DGKK: variants seen among roughly 807,000 people sequenced by gnomAD.
DGKK encodes 142 kDa diacylglycerol kinase.
Under a neutral mutation model 92.2 loss-of-function variants are expected in DGKK, and 35 were observed. The ratio of observed to expected loss-of-function variants is 0.38; its 90% confidence interval spans 0.29 to 0.50. The LOEUF (loss-of-function observed/expected upper bound fraction) is 0.50. Ranked by LOEUF, DGKK falls within the 20% of genes least tolerant of loss-of-function variation. DGKK has a pLI of 0.92. For synonymous variants in DGKK, 368 were observed against 360.6 expected (o/e 1.02, Z -0.23); for missense variants, 910 against 992.2 (o/e 0.92, Z 1.11).
chrX:50,395,196 C>A (rs1557225971), intron 8 of DGKK, among the ~76,000 whole-genome samples: 1 of 111,628 alleles, frequency 9.0e-6, no homozygotes, highest in East Asian at 2.8e-4. Flanking sequence ...AAGGTGTTAA[C>A]TTTTTATGTG....
intron 7 of DGKK, 45 bp from the exon 8 acceptor site, chrX:50,401,184 G>C: frequency 3.9e-6 from 4 of 1,038,676 alleles, no homozygotes; most frequent in Non-Finnish European, 5.3e-6. Context: ...GAGGGGGAGA[G>C]AAAAGGATAT....
rs1254642072 is a variant in DGKK, at chrX:50,368,181, G to T, written c.*759C>A. Reference sequence around the variant, plus strand: ...GAATGCAGGCAAACACTCCGTGGAGGCATGCAGGCTAGGATCAAGGCAGCA... The same window carrying T: ...GAATGCAGGCAAACACTCCGTGGAGTCATGCAGGCTAGGATCAAGGCAGCA... On this transcript the variant is annotated 3_prime_UTR_variant, in exon 28 of 28. Coordinates refer to ENST00000611977, the MANE Select transcript of DGKK (RefSeq NM_001013742.4). 1 of 110,767 alleles carries T rather than the reference G, an allele frequency of 9.0e-6. No individual in the cohort carries two copies. Among genetic ancestry groups the T allele is most frequent in the African/African-American group, 3.3e-5 (1 of 30,339 alleles). 9.1% of individuals were successfully genotyped at this position (110,767 alleles called of 1,213,427 possible).
At chrX:50,447,234 T>G (rs1557231975) in intron 1 of DGKK, among the ~76,000 whole-genome samples, 1 of 87,503 alleles carries the variant, frequency 1.1e-5, no homozygotes. Flanking sequence ...CTGTCTTGAT[T>G]TATATAAATG....
In DGKK at chrX:50,403,149, G is replaced by T. The variant is rs1557226824; in HGVS notation, c.1220C>A (p.Pro407His). Residue 407 changes from proline (P) to histidine (H), a missense_variant, in exon 7 of 28, where the codon CCT (proline) becomes CAT (histidine). Physicochemically the swap from Pro to His is moderately conservative, Grantham distance 77. Coordinates refer to ENST00000611977, the MANE Select transcript of DGKK (RefSeq NM_001013742.4). ...MPHQWVEGNM[P>H]VSSQCAVCHE... ...ACACACTGCACACTGAGAGCTGACA[G>T]GCATGTTTCCTTCTACCCATTGATG... is the stretch of plus-strand genomic sequence containing the variant. The T allele has an allele frequency of 8.3e-7, 1 of 1,203,241 alleles. No individual in the cohort carries two copies. Among genetic ancestry groups the T allele is most frequent in the Admixed American group, 2.2e-5 (1 of 45,239 alleles).
At chrX:50,386,626 AC>A in intron 14 of DGKK, 40 bp from the exon 15 acceptor site, 1 of 1,113,647 alleles carries the variant, frequency 9.0e-7, no homozygotes. Flanking sequence ...GTTATGAGGG[AC>A]CCATGCTTGA....
In DGKK at chrX:50,376,842, A is replaced by C; in HGVS notation, c.3188T>G (p.Phe1063Cys). ...AGAGAGGCTCTCTTGAGAGTCCTGG[A>C]AGTCCAGCTGGGGTTGAGGGGCAGC... ...IQAAPQPQLD[F>C]QDSQESLSDE... The change falls in exon 23 of 28, where the codon TTC (phenylalanine) becomes TGC (cysteine). Residue 1063 changes from phenylalanine (F) to cysteine (C), a missense_variant. Physicochemically the swap from Phe to Cys is radical, Grantham distance 205. Coordinates refer to ENST00000611977, the MANE Select transcript of DGKK (RefSeq NM_001013742.4). 8.3e-7 allele frequency: 1 copy of C among 1,209,193 alleles called. No homozygotes were observed. Among genetic ancestry groups the C allele is most frequent in the Non-Finnish European group, 1.1e-6 (1 of 894,104 alleles).
chrX:50,421,304 T>C (rs1311382641), intron 3 of DGKK, among the ~76,000 whole-genome samples: 1 of 111,728 alleles, frequency 9.0e-6, no homozygotes, highest in Middle Eastern at 4.6e-3. Flanking sequence ...ATTGCTTCCA[T>C]TGCCCTACTT....
At chrX:50,379,579 T>C (rs1557224210) in intron 20 of DGKK, 48 bp downstream of exon 20, 27 of 1,033,314 alleles carry the variant, frequency 2.6e-5, no homozygotes, top group Non-Finnish European at 3.5e-5. Context: ...AGAGAGACCT[T>C]AGTGGGATCA....
At chrX:50,439,852 TGAGGTCCCCAGAGAAAAAA>T (rs1296182619) in intron 1 of DGKK, among the ~76,000 whole-genome samples, 4 of 110,853 alleles carry the variant, frequency 3.6e-5, no homozygotes, top group African/African-American at 1.3e-4. Context: ...CTAGGACTCA[TGAGGTCCCCAGAGAAAAAA>T]ACAGAACCTA....
At chrX:50,376,206 G>C (rs1557223840) in intron 23 of DGKK, 41 bp from the exon 24 acceptor site, 5 of 1,195,445 alleles carry the variant, frequency 4.2e-6, no homozygotes, top group East Asian at 3.0e-5. Context: ...TGGGATTTCT[G>C]AAGGACTTCT....
intron 4 of DGKK, among the ~76,000 whole-genome samples, chrX:50,409,225 C>A (rs1197366746): frequency 2.7e-5 from 3 of 109,515 alleles, no homozygotes. Flanking sequence ...GGGGAGAATA[C>A]TATGTGATGA....
At chrX:50,391,840 C>T (rs1924705377) in intron 10 of DGKK, among the ~76,000 whole-genome samples, 1 of 111,983 alleles carries the variant, frequency 8.9e-6, no homozygotes. Flanking sequence ...CATGGCCATG[C>T]TTAAAGAAGA....
chrX:50,453,417 G>C (rs1412072962), intron 1 of DGKK, among the ~76,000 whole-genome samples: 3 of 111,583 alleles, frequency 2.7e-5, no homozygotes, highest in Admixed American at 9.5e-5. Context: ...AGGCATTAGA[G>C]TATGATACAA....
chrX:50,427,081 A>G (rs1925763805), intron 1 of DGKK, among the ~76,000 whole-genome samples: 1 of 112,393 alleles, frequency 8.9e-6, no homozygotes, highest in African/African-American at 3.2e-5. Flanking sequence ...CATAATTGCC[A>G]AAACTTGGAA....
At position 50,470,158 on chromosome X, in the gene DGKK, C is replaced by T. The variant is rs375123197; in HGVS notation, c.521G>A (p.Arg174His). ...CAATAGACATGGTGCTGGACTTGGA[C>T]GGAACTCTGGAGCCGCCTCAGGGCA... ...EFCPEAAPEF[R>H]PSPAPCLLQC... is the part of the protein sequence containing the mutation. The change falls in exon 1 of 28, where the codon CGT (arginine) becomes CAT (histidine). Residue 174 changes from arginine to histidine, a missense_variant. Arg to His is a conservative substitution (Grantham distance 29, BLOSUM62 0). Transcript: ENST00000611977. 14 of 1,210,921 alleles carry T rather than the reference C, an allele frequency of 1.2e-5. No homozygotes were observed. In the African/African-American group the frequency reaches 2.1e-4, roughly 18 times the overall value.
chrX:50,371,715 A>G lies in DGKK; in HGVS notation c.3612+9T>C. 3 of 1,165,634 alleles carry G rather than the reference A, an allele frequency of 2.6e-6. No individual in the cohort carries two copies. The highest frequency in any genetic ancestry group is 2.3e-6 in the Non-Finnish European group (2 of 857,555). On this transcript the variant is annotated intron_variant, in intron 26 of 27. Coordinates refer to ENST00000611977, the MANE Select transcript of DGKK (RefSeq NM_001013742.4). ...TTCCCTTTATTTCCCAATTCCCAAG[A>G]TTACGCACCTCTGGAACAAAGATTG...
chrX:50,394,289 G>A (rs962379958), intron 8 of DGKK, among the ~76,000 whole-genome samples: 3 of 111,849 alleles, frequency 2.7e-5, no homozygotes, highest in Non-Finnish European at 5.6e-5. Flanking sequence ...CTGGGTGAAA[G>A]GGAGCCTGAA....
At chrX:50,423,323 C>T (rs1172562000) in intron 2 of DGKK, among the ~76,000 whole-genome samples, 2 of 111,426 alleles carry the variant, frequency 1.8e-5, no homozygotes, top group Non-Finnish European at 3.8e-5. Context: ...TAGCAAGACT[C>T]AAATCAAGTA....
Position 50,390,346 on chromosome X carries a change from C to T in DGKK, c.1908G>A (p.Met636Ile), listed in dbSNP as rs1316300703. 2 of 1,209,267 alleles carry T rather than the reference C, an allele frequency of 1.7e-6. No homozygotes were observed. The highest frequency in any genetic ancestry group is 2.2e-5 in the Admixed American group (1 of 45,775). Residue 636 changes from methionine to isoleucine, a missense_variant, in exon 12 of 28, where the codon ATG becomes ATA. Met to Ile is a conservative substitution (Grantham distance 10). Transcript: ENST00000611977. ...QTPLLKGQVEMDVPRFEAAAI... is the reference protein window; with the variant it reads ...QTPLLKGQVEIDVPRFEAAAI... ...TAGTTACCTCAAATCGTGGTACATC[C>T]ATTTCAACCTGTCCTTTTAGCAGCG... is the stretch of plus-strand genomic sequence containing the variant.
Sources: gnomAD v4.1 joint callset for allele counts (sites outside exome capture counted in the v4.1 genomes callset) on GRCh38, gnomAD v4.1.1 for gene constraint, MANE v1.5 for transcripts, NCBI Gene and HGNC (gene_info 2026-07-23, HGNC 2026-07-21) for gene names.